ATAD5: variants seen among roughly 807,000 people sequenced by gnomAD.
ATAD5 encodes ATPase family AAA domain containing 5, also known as ATPase family AAA domain-containing protein 5.
ATAD5 carries 58 observed loss-of-function variants against 176.9 expected under a neutral mutation model. That is an observed-to-expected ratio of 0.33 (90% CI 0.27 to 0.41). The LOEUF is 0.41. Ranked by LOEUF, ATAD5 falls within the 10% of genes least tolerant of loss-of-function variation. The pLI, the probability that ATAD5 is intolerant of heterozygous loss-of-function variation, is 1.00. For missense variants in ATAD5, 1,789 were observed against 2,094.1 expected (o/e 0.85, Z 2.84); for synonymous variants, 640 against 712.6 (o/e 0.90, Z 1.62).
rs749267176 is a variant in ATAD5 at position 30,860,617 on chromosome 17, A to G, written c.3136+5A>G. ...TAAAGCTAGATTCTTCCAAAGGTAT[A>G]TTTTCTAAAACATCCCAAAAGAAAT... On this transcript the variant is annotated splice_donor_5th_base_variant and intron_variant, in intron 10 of 22. Transcript: ENST00000321990. 10 of 1,544,932 alleles carry G rather than the reference A, an allele frequency of 6.5e-6. No homozygotes were observed. Among genetic ancestry groups the G allele is most frequent in the South Asian group, 3.8e-5 (3 of 78,082 alleles).
Position 30,847,337 on chromosome 17 carries a change from G to T in ATAD5, c.2450+2421G>T, listed in dbSNP as rs554748702. 3.2e-3 allele frequency among the ~76,000 whole-genome samples: 484 copies of T among 151,642 alleles called. 6 individuals are homozygous for T. Among genetic ancestry groups the T allele is most frequent in the African/African-American group, 0.011 (470 of 41,054 alleles). On this transcript the variant is annotated intron_variant, in intron 6 of 22. Transcript: ENST00000321990. ...GCCGCTATATATATATAGAGAGAGA[G>T]AGAGAGAGAGAGAGATGGAGTCTTG...
Position 30,834,200 on chromosome 17 carries a change from C to A in ATAD5, c.119C>A (p.Thr40Lys). The A allele has an allele frequency of 6.3e-7, 1 of 1,588,744 alleles. No individual in the cohort carries two copies. Residue 40 changes from threonine to lysine, a missense_variant, in exon 2 of 23, where the codon ACA becomes AAA. By Grantham distance (78) the Thr-to-Lys change is moderately conservative. Transcript: ENST00000321990. ...GACACATCTACCTGCAAAACAATTA[C>A]AAAATATTTATCACCACTAGGGAAG... ...DDDTSTCKTI[T>K]KYLSPLGKTR... is the part of the protein sequence containing the mutation.
rs2142425126 is a variant in ATAD5 at position 30,879,445 on chromosome 17, T to A, written c.4035T>A (p.Phe1345Leu). Residue 1345 changes from phenylalanine to leucine, a missense_variant, in exon 18 of 23, where the codon TTT (phenylalanine) becomes TTA (leucine). Around this residue, in one of 6 missense-constraint regions of ATAD5, gnomAD observed 194 missense variants for 270.1 expected, o/e 0.72. Coordinates refer to ENST00000321990, the MANE Select transcript of ATAD5 (RefSeq NM_024857.5). ...TTSDPTFSLMFDGCFEEIKFS... is the reference protein window; with the variant it reads ...TTSDPTFSLMLDGCFEEIKFS... ...TAGACCCAACATTTAGTTTAATGTT[T>A]GATGGCTGCTTTGAAGAAATCAAGT... 6.3e-7 allele frequency: 1 copy of A among 1,592,416 alleles called. No individual in the cohort carries two copies. Among genetic ancestry groups the A allele is most frequent in the Admixed American group, 1.9e-5 (1 of 53,134 alleles).
intron 17 of ATAD5, among the ~76,000 whole-genome samples, chr17:30,878,729 T>TTTTTTG (rs1908828322): frequency 1.0e-5 from 1 of 95,884 alleles, no homozygotes; most frequent in Non-Finnish European, 2.2e-5. Context: ...TTTTTTTTTT[T>TTTTTTG]TTTTTTTTTT....
At chr17:30,894,795 T>C (rs778827188) in intron 22 of ATAD5, 40 bp from the exon 23 acceptor site, 2 of 1,558,916 alleles carry the variant, frequency 1.3e-6, no homozygotes, top group Non-Finnish European at 1.7e-6. Context: ...AAGATGAAAA[T>C]GTTAATATTA....
Position 30,834,388 on chromosome 17 carries a change from G to A in ATAD5, c.307G>A (p.Glu103Lys). The A allele has an allele frequency of 6.2e-7, 1 of 1,604,320 alleles. No homozygotes were observed. Among genetic ancestry groups the A allele is most frequent in the Non-Finnish European group, 8.5e-7 (1 of 1,176,640 alleles). Residue 103 changes from glutamate to lysine, a missense_variant, in exon 2 of 23, where the codon GAA (glutamate) becomes AAA (lysine). Coordinates refer to ENST00000321990, the MANE Select transcript of ATAD5 (RefSeq NM_024857.5). ...CAACAAAGACTGTACGACACCTTTG[G>A]AAATGTTCTCAAATGTAGAGTTTAA... ...DSNKDCTTPL[E>K]MFSNVEFKKK...
intron 12 of ATAD5, among the ~76,000 whole-genome samples, chr17:30,868,839 TG>T (rs896643623): frequency 8.0e-5 from 12 of 149,882 alleles, no homozygotes; most frequent in South Asian, 4.2e-4. Context: ...ATTTTATATT[TG>T]ATTTTCTACT....
chr17:30,855,326 T>C lies in ATAD5; in HGVS notation c.2634T>C (p.Asp878=). 1 of 1,576,826 alleles carries C rather than the reference T, an allele frequency of 6.3e-7. No individual in the cohort carries two copies. The highest frequency in any genetic ancestry group is 8.6e-7 in the Non-Finnish European group (1 of 1,163,906). The change falls in exon 7 of 23, where the codon GAT becomes GAC. Residue 878 remains aspartate (D), a splice_region_variant and synonymous_variant. Coordinates refer to ENST00000321990, the MANE Select transcript of ATAD5 (RefSeq NM_024857.5). The part of the protein sequence containing the change: ...QRVVHVQQKD[D]GCCLWHLKPP... Reference sequence around the variant, plus strand: ...TCGTACATGTGCAACAAAAGGATGATGGTAAGTTTGTTTTTTATTATTGAA... The same window carrying C: ...TCGTACATGTGCAACAAAAGGATGACGGTAAGTTTGTTTTTTATTATTGAA...
In ATAD5 at chr17:30,860,476, C is replaced by T. The variant is rs745385813; in HGVS notation, c.3000C>T (p.Leu1000=). 17 of 1,598,120 alleles carry T rather than the reference C, an allele frequency of 1.1e-5. No homozygotes were observed. Among genetic ancestry groups the T allele is most frequent in the African/African-American group, 5.5e-5 (4 of 73,338 alleles). The change falls in exon 10 of 23, where the codon CTC becomes CTT. Residue 1000 remains leucine, a synonymous_variant. Transcript: ENST00000321990. The part of the protein sequence containing the change: ...DVSHKETKRK[L]VEAENSKSKR... Reference sequence around the variant, plus strand: ...GCCATAAAGAAACCAAAAGGAAACTCGTAGAAGCAGAAAATTCTAAGTCAA... The same window carrying T: ...GCCATAAAGAAACCAAAAGGAAACTTGTAGAAGCAGAAAATTCTAAGTCAA...
At position 30,846,044 on chromosome 17, in the gene ATAD5, T is replaced by C. The variant is rs188629989; in HGVS notation, c.2450+1128T>C. ...TTATATATTGTTAAGCACACATATC[T>C]TAAGTATGCAGTTTTGACAAGTGCA... On this transcript the variant is annotated intron_variant, in intron 6 of 22. Transcript: ENST00000321990. Among the ~76,000 whole-genome samples the C allele has an allele frequency of 3.2e-3, 491 of 152,346 alleles. 2 individuals carry two copies. Among genetic ancestry groups the C allele is most frequent in the South Asian group, 6.6e-3 (32 of 4,830 alleles).
intron 3 of ATAD5, among the ~76,000 whole-genome samples, chr17:30,838,151 A>C (rs1057222014): frequency 6.6e-6 from 1 of 152,196 alleles, no homozygotes; most frequent in Admixed American, 6.5e-5. Flanking sequence ...GAAAATAATC[A>C]CTTCCACTTG....
At chr17:30,854,913 C>T (rs1907201264) in intron 6 of ATAD5, among the ~76,000 whole-genome samples, 1 of 151,916 alleles carries the variant, frequency 6.6e-6, no homozygotes, top group South Asian at 2.1e-4. Context: ...CATTTGCCAC[C>T]ACACCTGGCT....
chr17:30,832,386 G>GC lies in ATAD5; in HGVS notation c.41dup (p.Pro15SerfsTer8). On this transcript the variant is annotated frameshift_variant, in exon 1 of 23. Coordinates refer to ENST00000321990, the MANE Select transcript of ATAD5 (RefSeq NM_024857.5). LOFTEE classifies it high-confidence loss of function. ...TGGCCATGGCGGCTGCAGCTGCTCC[G>GC]CCTCCCGTGAAGGACTGCGAGATTG... is the stretch of plus-strand genomic sequence containing the variant. 1 of 1,559,592 alleles carries GC rather than the reference G, an allele frequency of 6.4e-7. No homozygotes were observed. The highest frequency in any genetic ancestry group is 8.7e-7 in the Non-Finnish European group (1 of 1,151,956).
intron 18 of ATAD5, among the ~76,000 whole-genome samples, chr17:30,881,201 T>C (rs1027568300): frequency 6.6e-6 from 1 of 151,990 alleles, no homozygotes; most frequent in Non-Finnish European, 1.5e-5. Context: ...GGTTAGAGGA[T>C]TGCTTGAGGC....
At chr17:30,894,515 G>A in intron 21 of ATAD5, 49 bp from the exon 22 acceptor site, 1 of 1,551,270 alleles carries the variant, frequency 6.4e-7, no homozygotes, top group Non-Finnish European at 8.7e-7. Flanking sequence ...TGGGATTACT[G>A]CATTTTTCTT....
In ATAD5 at chr17:30,874,289, T is replaced by C. The variant is rs368509831; in HGVS notation, c.3608-2085T>C. ...CAGGCACGGTGGCTCATGCCTGTAA[T>C]CCCAGCACTTTGGGAGGCTGAGGTG... On this transcript the variant is annotated intron_variant, in intron 14 of 22. Coordinates refer to ENST00000321990, the MANE Select transcript of ATAD5 (RefSeq NM_024857.5). 7.9e-5 allele frequency among the ~76,000 whole-genome samples: 12 copies of C among 151,944 alleles called. 1 individual carries two copies. The highest frequency in any genetic ancestry group is 2.7e-4 in the African/African-American group (11 of 41,498).
At chr17:30,865,916 G>C (rs1251281057) in intron 11 of ATAD5, 116 bp downstream of exon 11, 1 of 563,738 alleles carries the variant, frequency 1.8e-6, no homozygotes, top group Non-Finnish European at 2.9e-6. Context: ...CAAAAAACTG[G>C]TAGAAGTTTA....
chr17:30,849,547 T>C (rs1253154923), intron 6 of ATAD5, among the ~76,000 whole-genome samples: 3 of 152,262 alleles, frequency 2.0e-5, no homozygotes, highest in Admixed American at 6.5e-5. Flanking sequence ...ATTTTTCTCA[T>C]GTCTACTGAT....
intron 4 of ATAD5, among the ~76,000 whole-genome samples, chr17:30,842,967 TC>T (rs1434589570): frequency 6.6e-6 from 1 of 152,010 alleles, no homozygotes; most frequent in African/African-American, 2.4e-5. Context: ...GGTCTTGAAC[TC>T]CTGACCTCAG....
Sources: gnomAD v4.1 joint callset for allele counts (sites outside exome capture counted in the v4.1 genomes callset) on GRCh38, gnomAD v4.1.1 for gene constraint, gnomAD v4.1.1 regional missense constraint, MANE v1.5 for transcripts, NCBI Gene and HGNC (gene_info 2026-07-23, HGNC 2026-07-21) for gene names.